LRP1B: variants seen among roughly 807,000 people sequenced by gnomAD.
The protein encoded by LRP1B is low-density lipoprotein receptor-related protein 1B.
Under a neutral mutation model 556.6 loss-of-function variants are expected in LRP1B, and 217 were observed. The ratio of observed to expected loss-of-function variants is 0.39; its 90% CI spans 0.35 to 0.44. The LOEUF (loss-of-function observed/expected upper bound fraction) is 0.44. Among genes scored for constraint, LRP1B ranks in the 20% least tolerant of loss-of-function variants. The pLI, the probability that LRP1B is intolerant of heterozygous loss-of-function variation, is 1.00. For missense variants in LRP1B, 5,053 were observed against 5,620.8 expected (o/e 0.90, Z 3.23); for synonymous variants, 2,047 against 1,865.8 (o/e 1.10, Z -2.50).
At chr2:141,915,355 A>G (rs1700003019) in intron 1 of LRP1B, among the ~76,000 whole-genome samples, 1 of 152,164 alleles carries the variant, frequency 6.6e-6, no homozygotes, top group South Asian at 2.1e-4. Context: ...AAAACACACC[A>G]TACAAATACA....
chr2:140,364,546 C>T (rs1048950853), intron 72 of LRP1B, 115 bp downstream of exon 72: 5 of 1,210,332 alleles, frequency 4.1e-6, no homozygotes, highest in Non-Finnish European at 5.7e-6. Flanking sequence ...TATACTTTAT[C>T]TACCTAACCC....
intron 32 of LRP1B, among the ~76,000 whole-genome samples, chr2:140,785,050 T>A (rs942372773): frequency 1.3e-5 from 2 of 152,074 alleles, no homozygotes; most frequent in Non-Finnish European, 2.9e-5. Flanking sequence ...AAAAAAAGAT[T>A]CTACAAGTTT....
intron 66 of LRP1B, among the ~76,000 whole-genome samples, chr2:140,388,553 C>T (rs1347579796): frequency 6.6e-6 from 1 of 151,944 alleles, no homozygotes; most frequent in East Asian, 1.9e-4. Flanking sequence ...CCTTTTGGGG[C>T]ATGAAGAAAG....
intron 33 of LRP1B, 123 bp from the exon 34 acceptor site, chr2:140,771,129 T>C: frequency 1.6e-6 from 1 of 614,736 alleles, no homozygotes; most frequent in South Asian, 2.3e-5. Context: ...TGTTTCATAC[T>C]GGTTAAAGAT....
chr2:141,493,548 T>C (rs1683411656), intron 2 of LRP1B, among the ~76,000 whole-genome samples: 1 of 151,970 alleles, frequency 6.6e-6, no homozygotes, highest in African/African-American at 2.4e-5. Context: ...ACTCTGGCTG[T>C]GGGAGAAAGG....
intron 1 of LRP1B, among the ~76,000 whole-genome samples, chr2:141,964,560 G>A (rs1173170612): frequency 6.6e-6 from 1 of 151,890 alleles, no homozygotes. Flanking sequence ...AGCTGAAACT[G>A]GATCCCTTCC....
intron 7 of LRP1B, among the ~76,000 whole-genome samples, chr2:141,158,118 T>C (rs1221210070): frequency 6.6e-6 from 1 of 152,162 alleles, no homozygotes; most frequent in Admixed American, 6.6e-5. Flanking sequence ...GCAGTTTGAA[T>C]ATAATCATTA....
At chr2:141,879,329 A>T (rs779315518) in intron 1 of LRP1B, among the ~76,000 whole-genome samples, 9 of 151,914 alleles carry the variant, frequency 5.9e-5, no homozygotes, top group Non-Finnish European at 1.2e-4. Context: ...ACGAGGGATA[A>T]GTTAGAATGT....
At chr2:141,859,060 G>A (rs1698159041) in intron 1 of LRP1B, among the ~76,000 whole-genome samples, 2 of 152,132 alleles carry the variant, frequency 1.3e-5, no homozygotes, top group South Asian at 4.1e-4. Flanking sequence ...AATCCATCTT[G>A]CTGTGATTTA....
chr2:141,236,288 A>C (rs183768404), intron 5 of LRP1B, among the ~76,000 whole-genome samples: 1 of 152,160 alleles, frequency 6.6e-6, no homozygotes, highest in Non-Finnish European at 1.5e-5. Context: ...TCACATAGTT[A>C]CCATTTTTGT....
At chr2:141,502,993 C>G (rs1177884335) in intron 2 of LRP1B, among the ~76,000 whole-genome samples, 1 of 150,620 alleles carries the variant, frequency 6.6e-6, no homozygotes, top group African/African-American at 2.4e-5. Flanking sequence ...CTATTTTGCA[C>G]ATTAAAGGTT....
chr2:141,783,909 A>G (rs978510100), intron 2 of LRP1B, among the ~76,000 whole-genome samples: 1 of 151,874 alleles, frequency 6.6e-6, no homozygotes, highest in African/African-American at 2.4e-5. Context: ...AGGATATATT[A>G]GACAAGTATT....
At position 140,942,912 on chromosome 2, in the gene LRP1B, G is replaced by T. The variant is rs559814155; in HGVS notation, c.3136+7323C>A. Among the ~76,000 whole-genome samples, 222 of 152,188 alleles carry T rather than the reference G, an allele frequency of 1.5e-3. 2 individuals carry two copies. Among genetic ancestry groups the T allele is most frequent in the Admixed American group, 1.4e-3 (22 of 15,262 alleles). ...GCAAACTGCTAATAGCACCATGATAGAACGAAAATCTCTTATATCAATATT... is the reference window on the plus strand; with the variant it reads ...GCAAACTGCTAATAGCACCATGATATAACGAAAATCTCTTATATCAATATT... On this transcript the variant is annotated intron_variant, in intron 20 of 90. Coordinates refer to ENST00000389484, the MANE Select transcript of LRP1B (RefSeq NM_018557.3).
chr2:141,619,746 G>T (rs1688435649), intron 2 of LRP1B, among the ~76,000 whole-genome samples: 1 of 152,114 alleles, frequency 6.6e-6, no homozygotes, highest in South Asian at 2.1e-4. Flanking sequence ...TAGATGATTG[G>T]ATTCTTTTGA....
chr2:141,708,565 A>G (rs1452210876), intron 2 of LRP1B, among the ~76,000 whole-genome samples: 1 of 152,154 alleles, frequency 6.6e-6, no homozygotes, highest in African/African-American at 2.4e-5. Flanking sequence ...CAAACTTCCA[A>G]CAATTCCTCC....
At chr2:140,709,729 T>C (rs1308959411) in intron 37 of LRP1B, among the ~76,000 whole-genome samples, 1 of 151,900 alleles carries the variant, frequency 6.6e-6, no homozygotes, top group African/African-American at 2.4e-5. Flanking sequence ...CCATCTGCCA[T>C]GTTTTAACTT....
intron 66 of LRP1B, among the ~76,000 whole-genome samples, chr2:140,399,634 CTACT>C (rs1484368606): frequency 2.0e-5 from 3 of 152,144 alleles, no homozygotes; most frequent in Non-Finnish European, 1.5e-5. Flanking sequence ...TTTTGGTAAC[CTACT>C]TAAAGTATCT....
intron 84 of LRP1B, among the ~76,000 whole-genome samples, chr2:140,291,260 C>G (rs1436592032): frequency 1.5e-5 from 2 of 133,008 alleles, no homozygotes; most frequent in Non-Finnish European, 3.3e-5. Flanking sequence ...TTGATTTCTT[C>G]TTATCTCAGC....
chr2:140,811,819 C>T (rs1479309639), intron 32 of LRP1B, among the ~76,000 whole-genome samples: 1 of 151,918 alleles, frequency 6.6e-6, no homozygotes, highest in Non-Finnish European at 1.5e-5. Flanking sequence ...GTAAAATAAC[C>T]TATTTGTCAA....
Sources: allele counts gnomAD v4.1 joint callset (sites outside exome capture counted in the v4.1 genomes callset), GRCh38; gene constraint gnomAD v4.1.1; transcripts MANE v1.5; gene names NCBI Gene and HGNC (gene_info 2026-07-23, HGNC 2026-07-21).